The following PRLR variants were observed in gnomAD, a reference collection of about 807,000 sequenced individuals.
PRLR encodes prolactin receptor.
Under a neutral mutation model 40.2 loss-of-function variants are expected in PRLR, and 13 were observed. The observed-to-expected ratio is 0.32, with a 90% CI of 0.21 to 0.51. The LOEUF (loss-of-function observed/expected upper bound fraction) is 0.51. PRLR is among the 20% of genes least tolerant of loss of function. The pLI, the probability that PRLR is intolerant of heterozygous loss-of-function variation, is 0.97. For missense variants in PRLR, 656 were observed against 747.3 expected (o/e 0.88, Z 1.42); for synonymous variants, 269 against 278.7 (o/e 0.97, Z 0.35).
chr5:35,104,562 TAGG>T (rs1158933020), intron 2 of PRLR, among the ~76,000 whole-genome samples: 37 of 152,076 alleles, frequency 2.4e-4, no homozygotes, highest in Admixed American at 2.4e-3. Context: ...AATGGCACAC[TAGG>T]AGATTATATC....
chr5:35,194,460 T>C (rs1025252290), intron 1 of PRLR, among the ~76,000 whole-genome samples: 1 of 152,256 alleles, frequency 6.6e-6, no homozygotes, highest in African/African-American at 2.4e-5. Context: ...TTCTATCTTG[T>C]CCTGTGTTCC....
At chr5:35,074,293 G>A (rs558591775) in intron 5 of PRLR, among the ~76,000 whole-genome samples, 10 of 151,668 alleles carry the variant, frequency 6.6e-5, no homozygotes, top group Non-Finnish European at 1.0e-4. Flanking sequence ...AAACCCCATC[G>A]CTACTAAAAA....
At chr5:35,086,536 A>G (rs942767712) in intron 3 of PRLR, among the ~76,000 whole-genome samples, 196 bp from the exon 4 acceptor site, 4 of 151,590 alleles carry the variant, frequency 2.6e-5, no homozygotes, top group African/African-American at 9.7e-5. Context: ...TGATGTTGGC[A>G]TTGCTCTTAG....
chr5:35,153,041 A>G (rs1239295665), intron 1 of PRLR: 1 of 152,194 alleles, frequency 6.6e-6, no homozygotes, highest in Non-Finnish European at 1.5e-5. Context: ...TGTATGCCTT[A>G]GTTTCCCTCT....
chr5:35,089,528 G>A (rs776345886), intron 3 of PRLR, 23 bp downstream of exon 3: 8 of 1,539,208 alleles, frequency 5.2e-6, no homozygotes, highest in Admixed American at 3.3e-5. Flanking sequence ...CAATGAAAGA[G>A]AGCGTGATAG....
In PRLR at chr5:35,191,216, G is replaced by C. The variant is rs1345771139; in HGVS notation, c.-106+39052C>G. ...CTCCCAAGTAGCTGGGACTACAGGC[G>C]CCCGCCACTACGCCCGGCTAATTTT... On this transcript the variant is annotated intron_variant, in intron 1 of 9. Transcript: ENST00000618457. Among the ~76,000 whole-genome samples the C allele has an allele frequency of 1.6e-5, 2 of 126,750 alleles. 1 individual carries two copies. Among genetic ancestry groups the C allele is most frequent in the Non-Finnish European group, 3.4e-5 (2 of 58,080 alleles). 83.2% of individuals were successfully genotyped at this position (126,750 alleles called of 152,430 possible).
At chr5:35,166,050 C>A (rs1774816639) in intron 1 of PRLR, among the ~76,000 whole-genome samples, 1 of 152,154 alleles carries the variant, frequency 6.6e-6, no homozygotes, top group South Asian at 2.1e-4. Context: ...AGAAATGATA[C>A]CATTTAGCAT....
chr5:35,049,629 T>G (rs1186076066), intron 8 of PRLR, among the ~76,000 whole-genome samples: 1 of 152,188 alleles, frequency 6.6e-6, no homozygotes, highest in African/African-American at 2.4e-5. Flanking sequence ...TCAGAAATCT[T>G]TCTCTACATG....
At position 35,070,214 on chromosome 5, in the gene PRLR, C is replaced by T. The variant is rs1487634735; in HGVS notation, c.595G>A (p.Gly199Arg). 1.2e-6 allele frequency: 2 copies of T among 1,614,036 alleles called. No individual in the cohort carries two copies. The highest frequency in any genetic ancestry group is 1.3e-5 in the African/African-American group (1 of 74,916). Residue 199 changes from glycine to arginine, a missense_variant, in exon 7 of 10, where the codon GGA becomes AGA. Coordinates refer to ENST00000618457, the MANE Select transcript of PRLR (RefSeq NM_000949.7). ...TEFKILSLHP[G>R]QKYLVQVRCK... ...CGAACCTGGACAAGGTATTTCTGTCCTGGATGTAGGCTGAGAATCTTAAAC... is the reference window on the plus strand; with the variant it reads ...CGAACCTGGACAAGGTATTTCTGTCTTGGATGTAGGCTGAGAATCTTAAAC...
intron 1 of PRLR, among the ~76,000 whole-genome samples, chr5:35,180,832 G>T (rs931998504): frequency 6.6e-6 from 1 of 152,050 alleles, no homozygotes; most frequent in African/African-American, 2.4e-5. Context: ...GAGAACATGC[G>T]GTGTTCTGTC....
At chr5:35,171,119 T>C (rs1320726809) in intron 1 of PRLR, among the ~76,000 whole-genome samples, 2 of 151,654 alleles carry the variant, frequency 1.3e-5, no homozygotes, top group East Asian at 3.9e-4. Context: ...TAAGGAGTAA[T>C]GAACACTAAT....
chr5:35,150,007 C>T (rs1347002181), intron 1 of PRLR, among the ~76,000 whole-genome samples: 2 of 152,140 alleles, frequency 1.3e-5, no homozygotes, highest in African/African-American at 2.4e-5. Context: ...AGCCAGTGCG[C>T]CTGAGTAGCT....
At chr5:35,214,583 A>G (rs1776242005) in intron 1 of PRLR, among the ~76,000 whole-genome samples, 1 of 152,240 alleles carries the variant, frequency 6.6e-6, no homozygotes, top group African/African-American at 2.4e-5. Context: ...GTTCAAGAGA[A>G]GTAAAACTTC....
chr5:35,054,410 A>AG (rs1348494802), downstream of PRLR, among the ~76,000 whole-genome samples: 1 of 146,440 alleles, frequency 6.8e-6, no homozygotes, highest in Non-Finnish European at 1.5e-5. Flanking sequence ...GTTGCTAAAT[A>AG]GGGGGATTAA....
chr5:35,190,932 G>A (rs899845543), intron 1 of PRLR, among the ~76,000 whole-genome samples: 2 of 152,052 alleles, frequency 1.3e-5, no homozygotes, highest in African/African-American at 4.8e-5. Context: ...CACACAGTGA[G>A]CTTTTATCAG....
chr5:35,072,024 G>A (rs1402473976), intron 6 of PRLR, among the ~76,000 whole-genome samples: 1 of 151,542 alleles, frequency 6.6e-6, no homozygotes, highest in South Asian at 2.1e-4. Context: ...GCCTCCCGAG[G>A]AGCTGGGATT....
intron 1 of PRLR, among the ~76,000 whole-genome samples, chr5:35,133,055 C>T (rs1773736352): frequency 6.6e-6 from 1 of 152,140 alleles, no homozygotes; most frequent in South Asian, 2.1e-4. Context: ...TGAGCTGGGA[C>T]ATCCCTCTAT....
chr5:35,073,891 A>G (rs993599543), intron 5 of PRLR, among the ~76,000 whole-genome samples: 7 of 152,168 alleles, frequency 4.6e-5, no homozygotes, highest in Non-Finnish European at 2.9e-5. Context: ...ATGAAACATA[A>G]CAAGTGTTGG....
intron 5 of PRLR, among the ~76,000 whole-genome samples, chr5:35,078,478 C>G (rs1000016688): frequency 1.3e-5 from 2 of 151,956 alleles, no homozygotes; most frequent in Non-Finnish European, 2.9e-5. Flanking sequence ...TTCCTGGACG[C>G]GTACACCCTC....
Sources: allele counts gnomAD v4.1 joint callset (sites outside exome capture counted in the v4.1 genomes callset), GRCh38; gene constraint gnomAD v4.1.1; transcripts MANE v1.5; gene names NCBI Gene and HGNC (gene_info 2026-07-23, HGNC 2026-07-21).